Variants in PPM1H observed in about 807,000 individuals in gnomAD.
PPM1H encodes protein phosphatase, Mg2+/Mn2+ dependent 1H.
PPM1H carries 27 observed loss-of-function variants against 54.9 expected under a neutral mutation model. The observed-to-expected ratio is 0.49, with a 90% CI of 0.36 to 0.68. PPM1H has a LOEUF of 0.68. Ranked by LOEUF, PPM1H falls within the 30% of genes least tolerant of loss-of-function variation. The pLI, the probability that PPM1H is intolerant of heterozygous loss-of-function variation, is 0.00. For missense variants in PPM1H, 596 were observed against 667.8 expected (o/e 0.89, Z 1.19); for synonymous variants, 305 against 270.8 (o/e 1.13, Z -1.24).
chr12:62,850,964 A>C (rs1168241705), intron 1 of PPM1H: 7 of 152,194 alleles, frequency 4.6e-5, no homozygotes, highest in Non-Finnish European at 7.3e-5. Flanking sequence ...AATAAATATA[A>C]ATTAAATTGA....
chr12:62,730,579 T>G (rs1010889898), intron 5 of PPM1H, among the ~76,000 whole-genome samples: 1 of 152,222 alleles, frequency 6.6e-6, no homozygotes, highest in Non-Finnish European at 1.5e-5. Context: ...ATTAATTAAT[T>G]TTTTAAATGT....
At chr12:62,655,244 A>T (rs2075837664) in intron 9 of PPM1H, among the ~76,000 whole-genome samples, 1 of 152,194 alleles carries the variant, frequency 6.6e-6, no homozygotes, top group Admixed American at 6.5e-5. Context: ...GCTAGCTACC[A>T]TATTGGGCCA....
chr12:62,909,954 G>C (rs1871406004), intron 1 of PPM1H, among the ~76,000 whole-genome samples: 1 of 152,216 alleles, frequency 6.6e-6, no homozygotes, highest in African/African-American at 2.4e-5. Context: ...TTGTGCTGAA[G>C]ATTACGGAGG....
At chr12:62,693,339 G>C (rs531920926) in intron 7 of PPM1H, among the ~76,000 whole-genome samples, 1 of 152,282 alleles carries the variant, frequency 6.6e-6, no homozygotes, top group South Asian at 2.1e-4. Flanking sequence ...TGTTATCTTA[G>C]TCTGGACTCT....
At chr12:62,775,503 G>A (rs2076604933) in intron 4 of PPM1H, among the ~76,000 whole-genome samples, 1 of 152,244 alleles carries the variant, frequency 6.6e-6, no homozygotes, top group Non-Finnish European at 1.5e-5. Context: ...TTACAAGATG[G>A]TTTTTAAGGC....
chr12:62,653,578 C>T (rs748589931), intron 9 of PPM1H, among the ~76,000 whole-genome samples: 2 of 152,124 alleles, frequency 1.3e-5, no homozygotes, highest in East Asian at 3.9e-4. Context: ...TCTTTGAGGG[C>T]CCGGAGGGAA....
chr12:62,797,310 TG>T (rs1045871202), intron 3 of PPM1H, among the ~76,000 whole-genome samples: 4 of 152,090 alleles, frequency 2.6e-5, no homozygotes, highest in Admixed American at 2.0e-4. Context: ...GTGCAAGGCT[TG>T]GGGAACTTTA....
chr12:62,728,809 T>A (rs1372085494), intron 5 of PPM1H, among the ~76,000 whole-genome samples: 1 of 152,074 alleles, frequency 6.6e-6, no homozygotes, highest in Admixed American at 6.5e-5. Context: ...ATGGGAGAAG[T>A]CTAAGGTGAC....
At chr12:62,807,097 G>A (rs917714614) in intron 2 of PPM1H, among the ~76,000 whole-genome samples, 1 of 152,166 alleles carries the variant, frequency 6.6e-6, no homozygotes, top group African/African-American at 2.4e-5. Flanking sequence ...CATGATGCAC[G>A]AGCATAGACT....
Position 62,645,604 on chromosome 12 carries a change from G to A in PPM1H, c.*2885C>T, listed in dbSNP as rs1024836038. 8 of 152,210 alleles carry A rather than the reference G, an allele frequency of 5.3e-5. No individual in the cohort carries two copies. Among genetic ancestry groups the A allele is most frequent in the African/African-American group, 1.9e-4 (8 of 41,434 alleles). The allele number at this position is 152,210 out of a possible 1,614,324, so 9.4% of individuals were successfully genotyped here. On this transcript the variant is annotated 3_prime_UTR_variant, in exon 10 of 10. Coordinates refer to ENST00000228705, the MANE Select transcript of PPM1H (RefSeq NM_020700.2). ...AGCAAAATGCCACAGAGCATGGACG[G>A]ACTGAGTTTGTTCTAAGGAAAGGAG... is the stretch of plus-strand genomic sequence containing the variant.
At chr12:62,881,810 C>T (rs1451753855) in intron 1 of PPM1H, among the ~76,000 whole-genome samples, 11 of 152,166 alleles carry the variant, frequency 7.2e-5, no homozygotes, top group African/African-American at 2.7e-4. Context: ...CAGCTGCCAT[C>T]GCTTGCTTGG....
At chr12:62,826,599 T>C (rs1868293959) in intron 2 of PPM1H, among the ~76,000 whole-genome samples, 1 of 152,234 alleles carries the variant, frequency 6.6e-6, no homozygotes. Flanking sequence ...ACTGTTTTCA[T>C]TGTAAATTTC....
chr12:62,729,410 C>T (rs1480496018), intron 5 of PPM1H, among the ~76,000 whole-genome samples: 3 of 152,140 alleles, frequency 2.0e-5, no homozygotes, highest in Non-Finnish European at 4.4e-5. Flanking sequence ...CCAAAGATGG[C>T]CCCTCCTGCA....
Position 62,836,765 on chromosome 12 carries a change from G to A in PPM1H, c.246-4486C>T, listed in dbSNP as rs529679838. Among the ~76,000 whole-genome samples, 14 of 152,270 alleles carry A rather than the reference G, an allele frequency of 9.2e-5. No homozygotes were observed. In the East Asian group the frequency reaches 2.3e-3, roughly 25 times the overall value. ...GCACAGCTACTGTCTCCTCAATATGGAAAGTTTATACCCAGTTTATTCAAC... is the reference window on the plus strand; with the variant it reads ...GCACAGCTACTGTCTCCTCAATATGAAAAGTTTATACCCAGTTTATTCAAC... On this transcript the variant is annotated intron_variant, in intron 1 of 9. Transcript: ENST00000228705.
intron 2 of PPM1H, among the ~76,000 whole-genome samples, chr12:62,831,697 T>TCGTG (rs1462227862): frequency 1.3e-3 from 187 of 149,580 alleles, no homozygotes; most frequent in African/African-American, 4.3e-3. Context: ...CCGTCAAACA[T>TCGTG]TGTGTGTGTA....
At position 62,844,375 on chromosome 12, in the gene PPM1H, G is replaced by A. The variant is rs536050230; in HGVS notation, c.246-12096C>T. Among the ~76,000 whole-genome samples the A allele has an allele frequency of 2.0e-5, 3 of 152,156 alleles. No homozygotes were observed. The highest frequency in any genetic ancestry group is 3.8e-4 in the East Asian group (2 of 5,198). On this transcript the variant is annotated intron_variant, in intron 1 of 9. Transcript: ENST00000228705. This position sits in a 1 kb window ranked among gnomAD's most constrained non-coding sequence, Gnocchi z 5.2. ...AGAAATAATGTTCTGAGGGGCAAGG[G>A]GGGCGTCTTATCTCTGATGCTGCTT...
chr12:62,863,484 A>G (rs1196358897), intron 1 of PPM1H, among the ~76,000 whole-genome samples: 1 of 152,158 alleles, frequency 6.6e-6, no homozygotes, highest in African/African-American at 2.4e-5. Context: ...CCTATATTCC[A>G]TTTCCCACAA....
intron 2 of PPM1H, among the ~76,000 whole-genome samples, chr12:62,817,174 A>C (rs1281588811): frequency 6.1e-5 from 9 of 146,578 alleles, no homozygotes; most frequent in South Asian, 2.1e-4. Flanking sequence ...AAAAAAAAAA[A>C]AAAACTGGCC....
chr12:62,886,730 G>A (rs1870601975), intron 1 of PPM1H, among the ~76,000 whole-genome samples: 1 of 152,208 alleles, frequency 6.6e-6, no homozygotes, highest in African/African-American at 2.4e-5. Context: ...TCACAGGAAT[G>A]TCTTTAAATA....
Sources: allele counts gnomAD v4.1 joint callset (sites outside exome capture counted in the v4.1 genomes callset), GRCh38; gene constraint gnomAD v4.1.1; non-coding constraint Gnocchi (gnomAD v3.1); transcripts MANE v1.5; gene names NCBI Gene and HGNC (gene_info 2026-07-23, HGNC 2026-07-21).